ZDHHC3: variants seen among roughly 807,000 people sequenced by gnomAD.
ZDHHC3 encodes the protein zDHHC palmitoyltransferase 3, also known as palmitoyltransferase ZDHHC3.
A neutral mutation model predicts 30.6 loss-of-function variants in ZDHHC3; 9 were observed. The ratio of observed to expected loss-of-function variants is 0.29; its 90% confidence interval spans 0.18 to 0.51. The LOEUF is 0.51. ZDHHC3 is among the 20% of genes least tolerant of loss of function. ZDHHC3 has a pLI of 0.97. For synonymous variants in ZDHHC3, 136 were observed against 140.2 expected (o/e 0.97, Z 0.21); for missense variants, 246 against 384.2 (o/e 0.64, Z 3.01).
chr3:44,950,520 C>T (rs746717889), intron 2 of ZDHHC3, among the ~76,000 whole-genome samples: 3 of 152,182 alleles, frequency 2.0e-5, no homozygotes, highest in Non-Finnish European at 4.4e-5. Context: ...CCTTTCTAAA[C>T]ATGTGCCCCC....
At chr3:44,975,354 T>C (rs1243130185) in intron 1 of ZDHHC3, 2 of 152,176 alleles carry the variant, frequency 1.3e-5, no homozygotes, top group Non-Finnish European at 2.9e-5. Context: ...CTCCCAGTAA[T>C]CACTTCCATC....
chr3:44,923,247 T>A lies in ZDHHC3; in HGVS notation c.*3442A>T, dbSNP rs1700736913. 6 of 870,778 alleles carry A rather than the reference T, an allele frequency of 6.9e-6. No homozygotes were observed. The South Asian group carries it at 3.2e-4, about 46-fold the overall frequency. The allele number at this position is 870,778 out of a possible 1,614,324, so 53.9% of individuals were successfully genotyped here. A position where few individuals can be genotyped will look rare whatever the true frequency, so the allele number is the denominator to read the frequency against. Reference sequence around the variant, plus strand: ...CCTGCCACCACGCCCAGCTAATTTTTTTATATTTTTAGTAGAGACAGGGTT... The same window carrying A: ...CCTGCCACCACGCCCAGCTAATTTTATTATATTTTTAGTAGAGACAGGGTT... On this transcript the variant is annotated 3_prime_UTR_variant, in exon 7 of 7. Transcript: ENST00000424952.
chr3:44,929,166 C>G, intron 6 of ZDHHC3, 140 bp downstream of exon 6: 1 of 1,162,522 alleles, frequency 8.6e-7, no homozygotes, highest in Non-Finnish European at 1.2e-6. Flanking sequence ...AGTGTAACTG[C>G]AAACAAAGAA....
Position 44,917,524 on chromosome 3 carries a change from G to C in ZDHHC3, c.*9165C>G, listed in dbSNP as rs879026297. The C allele has an allele frequency of 5.2e-5, 11 of 212,638 alleles. No individual in the cohort carries two copies. In the South Asian group the frequency reaches 5.9e-4, roughly 11 times the overall value. The allele number at this position is 212,638 out of a possible 1,614,324, so 13.2% of individuals were successfully genotyped here. On this transcript the variant is annotated 3_prime_UTR_variant, in exon 7 of 7. Transcript: ENST00000424952. ...TTCCCAAGAGAAGACAGAAATCCTGGGGAAAGCCAAAGGCAAGCTCTTTTC... is the reference window on the plus strand; with the variant it reads ...TTCCCAAGAGAAGACAGAAATCCTGCGGAAAGCCAAAGGCAAGCTCTTTTC...
intron 6 of ZDHHC3, among the ~76,000 whole-genome samples, chr3:44,927,144 G>A (rs1351830488): frequency 4.6e-5 from 7 of 152,126 alleles, no homozygotes; most frequent in South Asian, 4.1e-4. Flanking sequence ...TAAGGAGCGC[G>A]TCTCTCCAGC....
At position 44,959,592 on chromosome 3, in the gene ZDHHC3, G is replaced by A. The variant is rs889960556; in HGVS notation, c.-24-132C>T. 2 of 707,508 alleles carry A rather than the reference G, an allele frequency of 2.8e-6. No homozygotes were observed. Among genetic ancestry groups the A allele is most frequent in the Non-Finnish European group, 4.6e-6 (2 of 432,352 alleles). 43.8% of individuals were successfully genotyped at this position (707,508 alleles called of 1,614,324 possible). A position where few individuals can be genotyped will look rare whatever the true frequency, so the allele number is the denominator to read the frequency against. On this transcript the variant is annotated intron_variant, in intron 1 of 6. Coordinates refer to ENST00000424952, the MANE Select transcript of ZDHHC3 (RefSeq NM_001135179.2). This position sits in a 1 kb window ranked among gnomAD's most constrained non-coding sequence, Gnocchi z 4.3. ...GTGTGCAAAGCCACCTAATCACCTT[G>A]TTCATTTAAAACATGAGTTCTCTTC...
At chr3:44,968,413 CA>C in intron 1 of ZDHHC3, among the ~76,000 whole-genome samples, 2 of 152,272 alleles carry the variant, frequency 1.3e-5, no homozygotes, top group Middle Eastern at 6.8e-3. Context: ...TCTTTAAAAA[CA>C]AGTCTGGGCA....
chr3:44,970,690 T>A (rs1705336693), intron 1 of ZDHHC3, among the ~76,000 whole-genome samples: 1 of 152,248 alleles, frequency 6.6e-6, no homozygotes, highest in Admixed American at 6.5e-5. Flanking sequence ...TCTTAGCAAT[T>A]TCCTGAGCAT....
chr3:44,947,795 T>C (rs1026034428), intron 2 of ZDHHC3, among the ~76,000 whole-genome samples: 1 of 152,246 alleles, frequency 6.6e-6, no homozygotes, highest in African/African-American at 2.4e-5. Context: ...TGATTGGGTC[T>C]ACCTTGATCA....
intron 1 of ZDHHC3, among the ~76,000 whole-genome samples, chr3:44,962,495 AGAAGGAAGGAAGGAAGGAAGGAAG>A (rs60365987): frequency 1.8e-5 from 2 of 112,202 alleles, no homozygotes; most frequent in Admixed American, 9.9e-5. Context: ...AAAGGGAGAG[AGAAGGAAGGAAGGAAGGAAGGAAG>A]GAAGGAAGGA....
In ZDHHC3 at chr3:44,922,215, C is replaced by G; in HGVS notation, c.*4474G>C. ...AGAAAAAGCCACATGGGTGTTGAAA[C>G]CCACACGTAGAAAGCAAAGGTCAAG... is the stretch of plus-strand genomic sequence containing the variant. On this transcript the variant is annotated 3_prime_UTR_variant, in exon 7 of 7. Transcript: ENST00000424952. 1 of 985,452 alleles carries G rather than the reference C, an allele frequency of 1.0e-6. No individual in the cohort carries two copies. The highest frequency in any genetic ancestry group is 1.2e-6 in the Non-Finnish European group (1 of 829,940). 61.0% of individuals were successfully genotyped at this position (985,452 alleles called of 1,614,324 possible). A position where few individuals can be genotyped will look rare whatever the true frequency, so the allele number is the denominator to read the frequency against.
rs1303508217 is a variant in ZDHHC3 at position 44,924,715 on chromosome 3, G to T, written c.*1974C>A. 1 of 985,324 alleles carries T rather than the reference G, an allele frequency of 1.0e-6. No individual in the cohort carries two copies. Among genetic ancestry groups the T allele is most frequent in the African/African-American group, 1.7e-5 (1 of 57,228 alleles). 61.0% of individuals were successfully genotyped at this position (985,324 alleles called of 1,614,324 possible). A position where few individuals can be genotyped will look rare whatever the true frequency, so the allele number is the denominator to read the frequency against. On this transcript the variant is annotated 3_prime_UTR_variant, in exon 7 of 7. Transcript: ENST00000424952. The stretch of plus-strand genomic sequence containing the variant: ...AGGGGAGGGCCAGAGCTGTAGCCCT[G>T]CTCTAGTTATTTAATACAATAACAC...
rs907701382 is a variant in ZDHHC3 at position 44,921,098 on chromosome 3, G to A, written c.*5591C>T. 5.5e-5 allele frequency: 54 copies of A among 985,322 alleles called. No homozygotes were observed. The highest frequency in any genetic ancestry group is 4.2e-4 in the South Asian group (9 of 21,290). The allele number at this position is 985,322 out of a possible 1,614,324, so 61.0% of individuals were successfully genotyped here. ...GATGCCTGGTAAGGGGGTCATAGTCGACACCAGAAGCTCTTGCAGGGTGTG... is the reference window on the plus strand; with the variant it reads ...GATGCCTGGTAAGGGGGTCATAGTCAACACCAGAAGCTCTTGCAGGGTGTG... On this transcript the variant is annotated 3_prime_UTR_variant, in exon 7 of 7. Transcript: ENST00000424952.
rs1290035007 is a variant in ZDHHC3 at position 44,921,407 on chromosome 3, C to T, written c.*5282G>A. 14 of 985,312 alleles carry T rather than the reference C, an allele frequency of 1.4e-5. No individual in the cohort carries two copies. The highest frequency in any genetic ancestry group is 1.7e-5 in the Non-Finnish European group (14 of 829,942). The allele number at this position is 985,312 out of a possible 1,614,324, so 61.0% of individuals were successfully genotyped here. Reference sequence around the variant, plus strand: ...TCTCTCCTCATCAGAGATTTCATACCTCTATATTGTAACCCACAAGAGGAA... The same window carrying T: ...TCTCTCCTCATCAGAGATTTCATACTTCTATATTGTAACCCACAAGAGGAA... On this transcript the variant is annotated 3_prime_UTR_variant, in exon 7 of 7. Transcript: ENST00000424952.
intron 1 of ZDHHC3, among the ~76,000 whole-genome samples, chr3:44,967,242 C>G (rs1344986190): frequency 1.3e-5 from 2 of 152,272 alleles, no homozygotes; most frequent in African/African-American, 2.4e-5. Flanking sequence ...CATGCACACA[C>G]TCAGACTCCT....
chr3:44,959,341 A>G lies in ZDHHC3; in HGVS notation c.96T>C (p.Pro32=). 1.2e-6 allele frequency: 2 copies of G among 1,614,214 alleles called. No homozygotes were observed. Among genetic ancestry groups the G allele is most frequent in the Non-Finnish European group, 8.5e-7 (1 of 1,180,020 alleles). Residue 32 remains proline, a synonymous_variant, in exon 2 of 7, where the codon CCT becomes CCC. Coordinates refer to ENST00000424952, the MANE Select transcript of ZDHHC3 (RefSeq NM_001135179.2). This position sits in a 1 kb window ranked among gnomAD's most constrained non-coding sequence, Gnocchi z 4.3. ...EKCVPPPYPG[P]VGTMWFIRDG... ...CACGGATAAACCACATGGTTCCCAC[A>G]GGACCAGGGTAGGGGGGTGGGACAC...
chr3:44,936,363 C>T (rs1259573519), intron 3 of ZDHHC3, among the ~76,000 whole-genome samples: 5 of 152,142 alleles, frequency 3.3e-5, no homozygotes, highest in Admixed American at 1.3e-4. Flanking sequence ...ACAACAGATG[C>T]TGGCGAAAGT....
chr3:44,962,495 AGAAGGAAGGAAGGAAGGAAGGAAGGAAG>A (rs60365987), intron 1 of ZDHHC3, among the ~76,000 whole-genome samples: 2 of 112,202 alleles, frequency 1.8e-5, no homozygotes, highest in Non-Finnish European at 3.7e-5. Context: ...AAAGGGAGAG[AGAAGGAAGGAAGGAAGGAAGGAAGGAAG>A]GAAGGAAGGA....
rs887091273 is a variant in ZDHHC3, at chr3:44,918,383, C to G, written c.*8306G>C. ...GGAGGAACACAGCAAGCAGGGCCCG[C>G]CTGGTGGACTGACGTGTTCTCCACC... On this transcript the variant is annotated 3_prime_UTR_variant, in exon 7 of 7. Coordinates refer to ENST00000424952, the MANE Select transcript of ZDHHC3 (RefSeq NM_001135179.2). 3 of 985,306 alleles carry G rather than the reference C, an allele frequency of 3.0e-6. No individual in the cohort carries two copies. The highest frequency in any genetic ancestry group is 3.6e-6 in the Non-Finnish European group (3 of 829,898). The allele number at this position is 985,306 out of a possible 1,614,324, so 61.0% of individuals were successfully genotyped here.
Sources: gnomAD v4.1 joint callset for allele counts (sites outside exome capture counted in the v4.1 genomes callset) on GRCh38, gnomAD v4.1.1 for gene constraint, Gnocchi (gnomAD v3.1) non-coding constraint, MANE v1.5 for transcripts, NCBI Gene and HGNC (gene_info 2026-07-23, HGNC 2026-07-21) for gene names.